Variants in KCNMA1 observed in about 807,000 individuals in gnomAD.
KCNMA1 encodes Calcium-activated potassium channel subunit alpha-1.
Under a neutral mutation model 140.0 loss-of-function variants are expected in KCNMA1, and 29 were observed. The observed-to-expected ratio is 0.21, with a 90% CI of 0.15 to 0.28. The LOEUF is 0.28. Among genes scored for constraint, KCNMA1 ranks in the 10% least tolerant of loss-of-function variants. KCNMA1 has a pLI of 1.00. For synonymous variants in KCNMA1, 612 were observed against 611.9 expected (o/e 1.00, Z 0.00); for missense variants, 880 against 1,602.2 (o/e 0.55, Z 7.70).
Position 77,595,492 on chromosome 10 carries a change from C to T in KCNMA1, c.378+41773G>A, listed in dbSNP as rs144094953. On this transcript the variant is annotated intron_variant, in intron 1 of 27. Transcript: ENST00000286628. ...ACTTCGGGGCCCCATAGTTCTGTGA[C>T]GTCTGTGTTCAACCTGTTTGTGGAA... 2.6e-5 allele frequency among the ~76,000 whole-genome samples: 4 copies of T among 152,098 alleles called. No individual in the cohort carries two copies. The East Asian group carries it at 5.8e-4, about 22-fold the overall frequency.
At chr10:76,893,095 C>G (rs1318077683) in intron 25 of KCNMA1, among the ~76,000 whole-genome samples, 1 of 152,108 alleles carries the variant, frequency 6.6e-6, no homozygotes, top group East Asian at 1.9e-4. Context: ...CAGAGCTGGG[C>G]TGAGGGGTTT....
intron 19 of KCNMA1, chr10:76,974,218 G>A (rs1456156106): frequency 1.5e-5 from 6 of 407,032 alleles, no homozygotes; most frequent in Admixed American, 4.2e-5. Context: ...GTCATGCAAA[G>A]TGGTTTGAAC....
At chr10:77,536,023 T>C (rs2058803233) in intron 1 of KCNMA1, among the ~76,000 whole-genome samples, 1 of 152,156 alleles carries the variant, frequency 6.6e-6, no homozygotes, top group African/African-American at 2.4e-5. Context: ...CATTTCAAAA[T>C]AGCTAGAAGA....
intron 14 of KCNMA1, chr10:77,071,428 A>G (rs2096207826): frequency 1.3e-5 from 2 of 152,110 alleles, no homozygotes; most frequent in Admixed American, 6.6e-5. Context: ...CTGGAAGAAA[A>G]CCACCAGAGC....
intron 2 of KCNMA1, among the ~76,000 whole-genome samples, chr10:77,393,058 C>T (rs2095890643): frequency 6.6e-6 from 1 of 152,254 alleles, no homozygotes. Flanking sequence ...TGAGAATTTC[C>T]TGGCCAATTT....
intron 1 of KCNMA1, 127 bp downstream of exon 1, chr10:77,637,138 C>A: frequency 8.0e-7 from 1 of 1,247,354 alleles, no homozygotes; most frequent in Non-Finnish European, 1.1e-6. Flanking sequence ...GAAGGGAAGG[C>A]GGCGAGGGGA....
At chr10:76,901,266 C>G (rs1378311307) in intron 25 of KCNMA1, 2 of 151,966 alleles carry the variant, frequency 1.3e-5, no homozygotes, top group Non-Finnish European at 2.9e-5. Flanking sequence ...GAAACATAGG[C>G]CATTTATATT....
At chr10:77,397,768 C>T (rs1420764006) in intron 2 of KCNMA1, among the ~76,000 whole-genome samples, 1 of 152,154 alleles carries the variant, frequency 6.6e-6, no homozygotes, top group Non-Finnish European at 1.5e-5. Context: ...ATCGCCACCT[C>T]CCACCCTTCC....
chr10:77,262,083 C>T (rs1053183119), intron 2 of KCNMA1, among the ~76,000 whole-genome samples: 2 of 152,130 alleles, frequency 1.3e-5, no homozygotes, highest in African/African-American at 4.8e-5. Flanking sequence ...AAAGGCAAAA[C>T]TGGAATTTAA....
chr10:77,582,133 G>A (rs1400415004), intron 1 of KCNMA1, among the ~76,000 whole-genome samples: 1 of 152,198 alleles, frequency 6.6e-6, no homozygotes, highest in Non-Finnish European at 1.5e-5. Context: ...ACCCACCAGG[G>A]CAAAAGCAGA....
chr10:76,963,070 G>T (rs767769960), intron 20 of KCNMA1, among the ~76,000 whole-genome samples: 21 of 152,270 alleles, frequency 1.4e-4, no homozygotes, highest in Admixed American at 3.9e-4. Context: ...CCTGAAGTTC[G>T]CCTGGAGCCA....
chr10:76,883,929 A>G, downstream of KCNMA1: 1 of 829,014 alleles, frequency 1.2e-6, no homozygotes, highest in Non-Finnish European at 1.5e-6. Flanking sequence ...TGAAGTAGTA[A>G]TGATCCTTCT....
In KCNMA1 at chr10:77,102,554, G is replaced by A. The variant is rs1379091072; in HGVS notation, c.1223+5927C>T. ...TGCTCAGGCAGGTTGGGGTCTGAGC[G>A]AGCAATCAGTTTTTAAGACTTCCTC... On this transcript the variant is annotated intron_variant, in intron 9 of 27. Coordinates refer to ENST00000286628, the MANE Select transcript of KCNMA1 (RefSeq NM_001161352.2). Among the ~76,000 whole-genome samples the A allele has an allele frequency of 3.3e-5, 5 of 152,206 alleles. No individual in the cohort carries two copies. In the East Asian group the frequency reaches 7.7e-4, roughly 23 times the overall value.
chr10:77,434,970 T>G (rs1042790133), intron 1 of KCNMA1, among the ~76,000 whole-genome samples: 11 of 152,220 alleles, frequency 7.2e-5, no homozygotes, highest in Non-Finnish European at 4.4e-5. Flanking sequence ...ATATCTTTTT[T>G]GGGGAGAGAG....
chr10:77,636,799 C>A (rs1418821385), intron 1 of KCNMA1: 1 of 1,451,056 alleles, frequency 6.9e-7, no homozygotes, highest in Admixed American at 2.6e-5. Flanking sequence ...ACGAACTCAT[C>A]TCCCCAACAG....
intron 1 of KCNMA1, among the ~76,000 whole-genome samples, chr10:77,519,120 G>A (rs1258932612): frequency 6.6e-6 from 1 of 152,178 alleles, no homozygotes; most frequent in Non-Finnish European, 1.5e-5. Flanking sequence ...CACACACCAC[G>A]TCTGCTCCAC....
intron 1 of KCNMA1, among the ~76,000 whole-genome samples, chr10:77,422,034 G>A (rs1173618749): frequency 6.6e-6 from 1 of 152,232 alleles, no homozygotes; most frequent in Non-Finnish European, 1.5e-5. Context: ...ACTGCATACA[G>A]CATAGCAAAA....
At chr10:77,222,374 C>T (rs997738391) in intron 3 of KCNMA1, among the ~76,000 whole-genome samples, 1 of 152,224 alleles carries the variant, frequency 6.6e-6, no homozygotes, top group Non-Finnish European at 1.5e-5. Context: ...TATTCTCCTA[C>T]TGTCTCTACC....
At chr10:77,151,346 C>A (rs1221791629) in intron 5 of KCNMA1, among the ~76,000 whole-genome samples, 1 of 30 alleles carries the variant, frequency 0.033, no homozygotes, top group Non-Finnish European at 0.045. Flanking sequence ...CGGGCCTCAG[C>A]CTCCCCAAGT....
Sources: gnomAD v4.1 joint callset for allele counts (sites outside exome capture counted in the v4.1 genomes callset) on GRCh38, gnomAD v4.1.1 for gene constraint, MANE v1.5 for transcripts, NCBI Gene and HGNC (gene_info 2026-07-23, HGNC 2026-07-21) for gene names.